The following MEF2A variants were observed in gnomAD, a reference collection of about 807,000 sequenced individuals.
MEF2A encodes the protein myocyte enhancer factor 2A.
A neutral mutation model predicts 55.8 loss-of-function variants in MEF2A; 28 were observed. The ratio of observed to expected loss-of-function variants is 0.50; its 90% CI spans 0.37 to 0.69. MEF2A has a LOEUF of 0.69. Ranked by LOEUF, MEF2A falls within the 30% of genes least tolerant of loss-of-function variation. MEF2A has a pLI of 0.00. For synonymous variants in MEF2A, 239 were observed against 227.1 expected (o/e 1.05, Z -0.47); for missense variants, 528 against 626.2 (o/e 0.84, Z 1.67).
chr15:99,704,838 C>T (rs1026845903), intron 9 of MEF2A, among the ~76,000 whole-genome samples: 2 of 152,158 alleles, frequency 1.3e-5, no homozygotes, highest in African/African-American at 4.8e-5. Context: ...AATTTATAAA[C>T]TTGATGCTGA....
chr15:99,608,773 C>T (rs896319716), intron 2 of MEF2A, among the ~76,000 whole-genome samples: 6 of 151,860 alleles, frequency 4.0e-5, no homozygotes, highest in African/African-American at 9.7e-5. Flanking sequence ...TGATGGCAGG[C>T]GTCTGTAATC....
chr15:99,675,490 G>GTATCTA, intron 7 of MEF2A, 32 bp downstream of exon 7: 1 of 1,577,512 alleles, frequency 6.3e-7, no homozygotes, highest in Non-Finnish European at 8.7e-7. Flanking sequence ...TGTTTTGTAG[G>GTATCTA]TATCTATCCT....
At chr15:99,660,527 T>C (rs1341331351) in intron 4 of MEF2A, among the ~76,000 whole-genome samples, 1 of 152,206 alleles carries the variant, frequency 6.6e-6, no homozygotes, top group Non-Finnish European at 1.5e-5. Context: ...ATGGGAACCC[T>C]GAGGTCCTAT....
chr15:99,626,509 A>G (rs2042076678), intron 2 of MEF2A, among the ~76,000 whole-genome samples: 1 of 151,902 alleles, frequency 6.6e-6, no homozygotes, highest in Non-Finnish European at 1.5e-5. Flanking sequence ...GCTTTCTGCT[A>G]GCTTTGAGTT....
chr15:99,580,777 T>C (rs1336345474), intron 1 of MEF2A, among the ~76,000 whole-genome samples: 1 of 152,248 alleles, frequency 6.6e-6, no homozygotes, highest in Non-Finnish European at 1.5e-5. Context: ...TCTGAAAAGG[T>C]AACTTCTAAA....
At chr15:99,707,775 G>GTAAA (rs1345102832) in intron 10 of MEF2A, among the ~76,000 whole-genome samples, 6 of 152,208 alleles carry the variant, frequency 3.9e-5, no homozygotes, top group African/African-American at 1.4e-4. Context: ...GTAGACTGTG[G>GTAAA]TAAAGATGGT....
intron 7 of MEF2A, among the ~76,000 whole-genome samples, chr15:99,677,113 C>T (rs1256623121): frequency 2.6e-5 from 4 of 151,106 alleles, no homozygotes; most frequent in African/African-American, 4.8e-5. Context: ...AAGAGCAAAA[C>T]GCTGTCTCAA....
chr15:99,625,540 C>T (rs988942081), intron 2 of MEF2A, among the ~76,000 whole-genome samples: 6 of 152,042 alleles, frequency 3.9e-5, no homozygotes, highest in African/African-American at 7.2e-5. Context: ...AGTGGTCATC[C>T]GTATCTCATC....
At chr15:99,662,959 A>G (rs1240533413) in intron 4 of MEF2A, among the ~76,000 whole-genome samples, 1 of 152,198 alleles carries the variant, frequency 6.6e-6, no homozygotes, top group Non-Finnish European at 1.5e-5. Flanking sequence ...CTCCTCATGC[A>G]TTTAAAAACC....
At chr15:99,643,546 C>T (rs2045405241) in intron 3 of MEF2A, among the ~76,000 whole-genome samples, 1 of 151,804 alleles carries the variant, frequency 6.6e-6, no homozygotes, top group East Asian at 1.9e-4. Flanking sequence ...AGTACATCAA[C>T]AGATGCGGAG....
chr15:99,630,129 G>A (rs1003609099), intron 2 of MEF2A, among the ~76,000 whole-genome samples: 14 of 151,666 alleles, frequency 9.2e-5, no homozygotes, highest in East Asian at 3.9e-4. Flanking sequence ...TCTGTGGCTC[G>A]ATGTCTCATT....
chr15:99,673,162 T>C (rs977284659), intron 5 of MEF2A, among the ~76,000 whole-genome samples: 1 of 152,180 alleles, frequency 6.6e-6, no homozygotes, highest in Non-Finnish European at 1.5e-5. Flanking sequence ...ATGTTGGTGC[T>C]CAGAAAGTTT....
At chr15:99,607,461 A>T (rs904917357) in intron 2 of MEF2A, among the ~76,000 whole-genome samples, 1 of 152,202 alleles carries the variant, frequency 6.6e-6, no homozygotes, top group Admixed American at 6.5e-5. Flanking sequence ...TTCAGATGAT[A>T]TGAGGTTAAA....
chr15:99,651,701 T>C (rs1039957811), intron 4 of MEF2A, among the ~76,000 whole-genome samples: 15 of 152,198 alleles, frequency 9.9e-5, no homozygotes, highest in Non-Finnish European at 1.5e-5. Flanking sequence ...AATTTCAGTT[T>C]TACTACTTTT....
intron 3 of MEF2A, among the ~76,000 whole-genome samples, chr15:99,641,427 A>G (rs1008518879): frequency 5.9e-5 from 9 of 152,090 alleles, no homozygotes; most frequent in Non-Finnish European, 1.3e-4. Flanking sequence ...TGCTGTTTTA[A>G]AAATTTGTCT....
At chr15:99,665,043 ACAAT>A (rs2049334204) in intron 4 of MEF2A, among the ~76,000 whole-genome samples, 1 of 152,268 alleles carries the variant, frequency 6.6e-6, no homozygotes, top group Non-Finnish European at 1.5e-5. Context: ...CCACAGGGTG[ACAAT>A]CAATGGTATT....
At chr15:99,677,243 A>G (rs1176887006) in intron 7 of MEF2A, among the ~76,000 whole-genome samples, 1 of 152,206 alleles carries the variant, frequency 6.6e-6, no homozygotes, top group African/African-American at 2.4e-5. Flanking sequence ...ACTTGCAGAA[A>G]TAAACAAACA....
intron 7 of MEF2A, among the ~76,000 whole-genome samples, chr15:99,688,700 T>C (rs1366932273): frequency 6.6e-6 from 1 of 152,118 alleles, no homozygotes; most frequent in Non-Finnish European, 1.5e-5. Flanking sequence ...GAGCTTGCAG[T>C]GAGCCGAGAT....
At chr15:99,704,779 TAAAGAAG>T (rs1045371347) in intron 9 of MEF2A, among the ~76,000 whole-genome samples, 5 of 152,302 alleles carry the variant, frequency 3.3e-5, no homozygotes, top group African/African-American at 1.2e-4. Context: ...GACTAAATAT[TAAAGAAG>T]AAATTAAGTC....
Sources: gnomAD v4.1 joint callset for allele counts (sites outside exome capture counted in the v4.1 genomes callset) on GRCh38, gnomAD v4.1.1 for gene constraint, MANE v1.5 for transcripts, NCBI Gene and HGNC (gene_info 2026-07-23, HGNC 2026-07-21) for gene names.